Variants in ZNF462 observed in about 807,000 individuals in gnomAD.
ZNF462 encodes the protein zinc finger PBX1-interacting protein.
Under a neutral mutation model 201.9 loss-of-function variants are expected in ZNF462, and 10 were observed. The observed-to-expected ratio is 0.05, with a 90% CI of 0.03 to 0.08. The LOEUF (loss-of-function observed/expected upper bound fraction) is 0.08. Ranked by LOEUF, ZNF462 falls within the 10% of genes least tolerant of loss-of-function variation. The probability of loss-of-function intolerance (pLI) is 1.00; values close to 1 mark genes in which losing one functional copy is unlikely to be tolerated. For missense variants in ZNF462, 2,523 were observed against 3,168.3 expected (o/e 0.80, Z 4.89); for synonymous variants, 1,227 against 1,193.3 (o/e 1.03, Z -0.58).
At chr9:106,939,533 T>C (rs1225706130) in intron 7 of ZNF462, among the ~76,000 whole-genome samples, 3 of 151,908 alleles carry the variant, frequency 2.0e-5, no homozygotes, top group Non-Finnish European at 4.4e-5. Context: ...AAATTCAGAG[T>C]AGGAGTGCAA....
At chr9:106,869,703 G>A (rs1043570147) in intron 1 of ZNF462, among the ~76,000 whole-genome samples, 5 of 152,172 alleles carry the variant, frequency 3.3e-5, no homozygotes, top group African/African-American at 4.8e-5. Flanking sequence ...AGAAGAACTG[G>A]GAGAACAGGA....
chr9:106,956,005 C>T (rs2131835599), intron 7 of ZNF462, among the ~76,000 whole-genome samples: 1 of 152,254 alleles, frequency 6.6e-6, no homozygotes, highest in South Asian at 2.1e-4. Context: ...TTCTTCGACA[C>T]TCCTGCTAAT....
intron 7 of ZNF462, among the ~76,000 whole-genome samples, chr9:106,960,970 G>A (rs1831809523): frequency 6.6e-6 from 1 of 152,056 alleles, no homozygotes; most frequent in African/African-American, 2.4e-5. Context: ...CATTTCTAAT[G>A]GAGGAAAATA....
chr9:106,875,469 C>G lies in ZNF462; in HGVS notation c.-31+12114C>G, dbSNP rs190512037. ...TACTTTATAAGGCATAATCTTAAAACGAAAAAGAGAGTCATCTGTGTTTAA... is the reference window on the plus strand; with the variant it reads ...TACTTTATAAGGCATAATCTTAAAAGGAAAAAGAGAGTCATCTGTGTTTAA... On this transcript the variant is annotated intron_variant, in intron 1 of 12. Coordinates refer to ENST00000277225, the MANE Select transcript of ZNF462 (RefSeq NM_021224.6). Among the ~76,000 whole-genome samples the G allele has an allele frequency of 2.0e-5, 3 of 152,182 alleles. No individual in the cohort carries two copies. In the East Asian group the frequency reaches 5.8e-4, roughly 29 times the overall value.
intron 1 of ZNF462, among the ~76,000 whole-genome samples, chr9:106,901,478 T>C (rs1166232889): frequency 6.6e-6 from 1 of 152,168 alleles, no homozygotes; most frequent in Non-Finnish European, 1.5e-5. Context: ...CTGACGGAGA[T>C]TGCATTGAAT....
intron 7 of ZNF462, among the ~76,000 whole-genome samples, chr9:106,944,884 G>C (rs547147697): frequency 6.6e-6 from 1 of 152,246 alleles, no homozygotes; most frequent in South Asian, 2.1e-4. Flanking sequence ...AGCACTGTAG[G>C]TTATGCAGTC....
intron 1 of ZNF462, among the ~76,000 whole-genome samples, chr9:106,900,166 T>C (rs1355047410): frequency 6.6e-6 from 1 of 151,802 alleles, no homozygotes; most frequent in East Asian, 1.9e-4. Flanking sequence ...GCAAATGCTG[T>C]TAATTCATTC....
intron 1 of ZNF462, among the ~76,000 whole-genome samples, chr9:106,868,024 G>C (rs1230931645): frequency 2.0e-5 from 3 of 149,938 alleles, no homozygotes; most frequent in African/African-American, 7.4e-5. Flanking sequence ...ATATTCAGCA[G>C]AAGTGGAGGG....
Position 107,010,768 on chromosome 9 carries a change from A to T in ZNF462, c.7314-55A>T. On this transcript the variant is annotated intron_variant, in intron 12 of 12. Coordinates refer to ENST00000277225, the MANE Select transcript of ZNF462 (RefSeq NM_021224.6). The surrounding 1 kb of genome is among the most constrained non-coding windows in gnomAD (Gnocchi z 4.6). ...AGGGTTTTTATTATTTTTTTGTTTAAAAAGAGAAATATATATACTATACTC... is the reference window on the plus strand; with the variant it reads ...AGGGTTTTTATTATTTTTTTGTTTATAAAGAGAAATATATATACTATACTC... 6.8e-7 allele frequency: 1 copy of T among 1,461,232 alleles called. No individual in the cohort carries two copies. Among genetic ancestry groups the T allele is most frequent in the Non-Finnish European group, 9.1e-7 (1 of 1,094,864 alleles). 90.5% of individuals were successfully genotyped at this position (1,461,232 alleles called of 1,614,324 possible).
chr9:106,864,068 C>CTCTCTCTCTCTT, intron 1 of ZNF462, among the ~76,000 whole-genome samples: 1 of 119,718 alleles, frequency 8.4e-6, no homozygotes, highest in South Asian at 3.2e-4. Flanking sequence ...CTCTCTCTCT[C>CTCTCTCTCTCTT]TCTCTCTCTC....
chr9:106,903,559 C>A (rs1829146887), intron 1 of ZNF462, among the ~76,000 whole-genome samples: 1 of 152,044 alleles, frequency 6.6e-6, no homozygotes, highest in Non-Finnish European at 1.5e-5. Context: ...GTTGTTATCT[C>A]ATTTCTTAGG....
chr9:106,898,686 GGA>G (rs1210732842), intron 1 of ZNF462, among the ~76,000 whole-genome samples: 1 of 152,134 alleles, frequency 6.6e-6, no homozygotes, highest in Non-Finnish European at 1.5e-5. Flanking sequence ...AGGTCAGGGT[GGA>G]GAGAGTCATA....
chr9:106,863,012 A>AGAGG (rs1040325218), upstream of ZNF462: 3 of 393,848 alleles, frequency 7.6e-6, no homozygotes, highest in Non-Finnish European at 1.3e-5. Context: ...AGAGAGACAC[A>AGAGG]GAGGGAGGGA....
In ZNF462 at chr9:106,927,445, G is replaced by A. The variant is rs1260867179; in HGVS notation, c.3533G>A (p.Arg1178Gln). ...RPPAPIQQLN[R>Q]SSSERDGPPV... ...CCCGCCCCCATACAACAGCTGAACC[G>A]AAGCAGCTCTGAGAGAGATGGCCCT... is the stretch of plus-strand genomic sequence containing the variant. Residue 1178 changes from arginine to glutamine, a missense_variant, in exon 3 of 13, where the codon CGA becomes CAA. Around this residue, in one of 15 missense-constraint regions of ZNF462, gnomAD observed 222 missense variants for 271.6 expected, o/e 0.82. Coordinates refer to ENST00000277225, the MANE Select transcript of ZNF462 (RefSeq NM_021224.6). 36 of 1,562,828 alleles carry A rather than the reference G, an allele frequency of 2.3e-5. No individual in the cohort carries two copies. Among genetic ancestry groups the A allele is most frequent in the Non-Finnish European group, 2.8e-5 (32 of 1,145,866 alleles).
chr9:106,929,245 G>C lies in ZNF462; in HGVS notation c.5333G>C (p.Ser1778Thr). Residue 1778 changes from serine to threonine, a missense_variant, in exon 3 of 13, where the codon AGC becomes ACC. This residue lies in a region of ZNF462 where 207 missense variants were observed against 231.6 expected (regional missense o/e 0.89). Coordinates refer to ENST00000277225, the MANE Select transcript of ZNF462 (RefSeq NM_021224.6). This position sits in a 1 kb window ranked among gnomAD's most constrained non-coding sequence, Gnocchi z 8.7. ...TCCTTGTGCTCTTTCCAGTCGTTCA[G>C]CAAGAAGGGCATCGTGTCCCATTAC... is the stretch of plus-strand genomic sequence containing the variant. ...KCSLCSFQSF[S>T]KKGIVSHYMK... 6.2e-7 allele frequency: 1 copy of C among 1,614,162 alleles called. No individual in the cohort carries two copies. The highest frequency in any genetic ancestry group is 8.5e-7 in the Non-Finnish European group (1 of 1,180,030).
At position 107,003,244 on chromosome 9, in the gene ZNF462, C is replaced by T. The variant is rs764291299; in HGVS notation, c.7057-50C>T. On this transcript the variant is annotated intron_variant, in intron 10 of 12. Transcript: ENST00000277225. The surrounding 1 kb of genome is among the most constrained non-coding windows in gnomAD (Gnocchi z 4.4). ...AAAGATCTCTCCATCAGGGAGAACCCCATTTGGTCTGCGGTTTATTATTCC... is the reference window on the plus strand; with the variant it reads ...AAAGATCTCTCCATCAGGGAGAACCTCATTTGGTCTGCGGTTTATTATTCC... The T allele has an allele frequency of 6.2e-7, 1 of 1,605,314 alleles. No individual in the cohort carries two copies. The highest frequency in any genetic ancestry group is 2.2e-5 in the East Asian group (1 of 44,738).
Position 106,972,138 on chromosome 9 carries a change from T to C in ZNF462, c.6561T>C (p.Thr2187=), listed in dbSNP as rs146088874. 608 of 1,614,212 alleles carry C rather than the reference T, an allele frequency of 3.8e-4. No individual in the cohort carries two copies. The highest frequency in any genetic ancestry group is 4.7e-4 in the Non-Finnish European group (552 of 1,180,032). The change falls in exon 8 of 13, where the codon ACT becomes ACC. Residue 2187 remains threonine, a synonymous_variant. Transcript: ENST00000277225. The surrounding 1 kb of genome is among the most constrained non-coding windows in gnomAD (Gnocchi z 4.8). ...SGAAAGTEQK[T]EAVLHCEFCE... Reference sequence around the variant, plus strand: ...CTGCTGCTGGCACTGAGCAGAAAACTGAAGCCGTGCTTCACTGCGAATTCT... The same window carrying C: ...CTGCTGCTGGCACTGAGCAGAAAACCGAAGCCGTGCTTCACTGCGAATTCT...
rs143076514 is a variant in ZNF462, at chr9:106,899,193, GGAGAGAGA to G, written c.-30-24146_-30-24139del. ...AGAAGAAGTTAGGCCAGAGGGACAT[GGAGAGAGA>G]GAGAGAGAGAGAGAATGTGTGTGTA... On this transcript the variant is annotated intron_variant, in intron 1 of 12. Transcript: ENST00000277225. 5.0e-3 allele frequency among the ~76,000 whole-genome samples: 679 copies of G among 134,986 alleles called. 10 individuals carry two copies. The highest frequency in any genetic ancestry group is 0.018 in the African/African-American group (660 of 36,764). 88.6% of individuals were successfully genotyped at this position (134,986 alleles called of 152,430 possible).
intron 11 of ZNF462, among the ~76,000 whole-genome samples, chr9:107,004,997 TTAATG>T (rs1188370428): frequency 6.6e-6 from 1 of 152,192 alleles, no homozygotes; most frequent in Non-Finnish European, 1.5e-5. Flanking sequence ...CTCATTTCAC[TTAATG>T]TAATGTTCTA....
Sources: gnomAD v4.1 joint callset for allele counts (sites outside exome capture counted in the v4.1 genomes callset) on GRCh38, gnomAD v4.1.1 for gene constraint, gnomAD v4.1.1 regional missense constraint, Gnocchi (gnomAD v3.1) non-coding constraint, MANE v1.5 for transcripts, NCBI Gene and HGNC (gene_info 2026-07-23, HGNC 2026-07-21) for gene names.